EFCAB11: variants seen among roughly 807,000 people sequenced by gnomAD.
EFCAB11 encodes EF-hand calcium-binding domain-containing protein 11.
Under a neutral mutation model 23.0 loss-of-function variants are expected in EFCAB11, and 14 were observed. That is an observed-to-expected ratio of 0.61 (90% CI 0.40 to 0.95). EFCAB11 has a LOEUF of 0.95. EFCAB11 is among the 40% of genes least tolerant of loss of function. The probability of loss-of-function intolerance (pLI) is 0.00; values close to 1 mark genes in which losing one functional copy is unlikely to be tolerated. For synonymous variants in EFCAB11, 65 were observed against 66.6 expected, an observed-to-expected ratio of 0.98 and a Z score of 0.11; for missense variants, 198 against 195.8, an observed-to-expected ratio of 1.01 and a Z score of -0.07.
At chr14:89,880,962 A>G (rs570995838) in intron 5 of EFCAB11, among the ~76,000 whole-genome samples, 1 of 152,228 alleles carries the variant, frequency 6.6e-6, no homozygotes, top group African/African-American at 2.4e-5. Context: ...TGGGGAAAGG[A>G]TAGAAGTCAG....
chr14:89,842,992 C>T (rs923155003), intron 5 of EFCAB11, among the ~76,000 whole-genome samples: 10 of 152,170 alleles, frequency 6.6e-5, no homozygotes, highest in African/African-American at 1.9e-4. Context: ...TATCACCCTG[C>T]GCTTTTCCTA....
chr14:89,827,061 G>A (rs889074604), intron 5 of EFCAB11, among the ~76,000 whole-genome samples: 1 of 152,148 alleles, frequency 6.6e-6, no homozygotes, highest in Non-Finnish European at 1.5e-5. Flanking sequence ...TTTTAAAAGA[G>A]AGAATTTAAT....
At chr14:89,831,734 G>A (rs1425914697) in intron 5 of EFCAB11, among the ~76,000 whole-genome samples, 1 of 152,176 alleles carries the variant, frequency 6.6e-6, no homozygotes, top group Non-Finnish European at 1.5e-5. Context: ...GAAAGAGCAT[G>A]TATTACAAGT....
chr14:89,848,119 C>T (rs1460973799), intron 5 of EFCAB11, among the ~76,000 whole-genome samples: 1 of 152,162 alleles, frequency 6.6e-6, no homozygotes, highest in Admixed American at 6.5e-5. Flanking sequence ...ATCATAATAG[C>T]TCTCTCAAGG....
chr14:89,923,328 GAAGTCCCTCAGAGAGGA>G (rs1566812524), intron 5 of EFCAB11: 1 of 152,164 alleles, frequency 6.6e-6, no homozygotes, highest in Non-Finnish European at 1.5e-5. Flanking sequence ...AAAATCCCTA[GAAGTCCCTCAGAGAGGA>G]AATTCTGAGG....
chr14:89,834,845 C>T (rs751400257), intron 5 of EFCAB11, among the ~76,000 whole-genome samples: 15 of 151,990 alleles, frequency 9.9e-5, no homozygotes, highest in Non-Finnish European at 1.9e-4. Flanking sequence ...GCAGTTAGGA[C>T]CAGAGGAAGT....
intron 5 of EFCAB11, among the ~76,000 whole-genome samples, chr14:89,913,488 T>C (rs988035369): frequency 1.3e-5 from 2 of 152,204 alleles, no homozygotes; most frequent in African/African-American, 2.4e-5. Flanking sequence ...AGATGGCATA[T>C]GTGATTCCTA....
chr14:89,912,479 C>T (rs1889710838), intron 5 of EFCAB11, among the ~76,000 whole-genome samples: 1 of 152,082 alleles, frequency 6.6e-6, no homozygotes, highest in Non-Finnish European at 1.5e-5. Flanking sequence ...TTAAGGTTTC[C>T]TGGGCTTCCT....
intron 5 of EFCAB11, among the ~76,000 whole-genome samples, chr14:89,900,881 C>A (rs2140202451): frequency 6.6e-6 from 1 of 152,210 alleles, no homozygotes; most frequent in Non-Finnish European, 1.5e-5. Context: ...GATTCAATAA[C>A]TGCTCTTGGT....
intron 5 of EFCAB11, among the ~76,000 whole-genome samples, chr14:89,861,398 C>T (rs541596578): frequency 2.0e-5 from 3 of 152,272 alleles, no homozygotes; most frequent in South Asian, 2.1e-4. Flanking sequence ...CCTCCTTTAC[C>T]CTAGAAACAA....
chr14:89,813,302 T>C (rs1886211928), intron 5 of EFCAB11, among the ~76,000 whole-genome samples: 1 of 152,186 alleles, frequency 6.6e-6, no homozygotes, highest in Non-Finnish European at 1.5e-5. Context: ...TCTGATACGA[T>C]ACCTTGATAT....
chr14:89,924,084 T>C (rs79828967), intron 5 of EFCAB11: 26,807 of 985,456 alleles, frequency 0.027, 740 homozygotes, highest in African/African-American at 0.13. Context: ...GGAATATCCA[T>C]CACTCCCTTT....
intron 5 of EFCAB11, chr14:89,829,865 CA>C (rs1886828326): frequency 6.6e-6 from 1 of 151,974 alleles, no homozygotes; most frequent in African/African-American, 2.4e-5. Context: ...CTAAAAAATC[CA>C]TGGATCTAGG....
intron 5 of EFCAB11, among the ~76,000 whole-genome samples, chr14:89,881,497 G>C (rs1161138654): frequency 1.0e-4 from 4 of 40,006 alleles, no homozygotes; most frequent in African/African-American, 2.9e-4. Context: ...ACCCAGGCTG[G>C]AGTGCAGTGG....
intron 5 of EFCAB11, among the ~76,000 whole-genome samples, chr14:89,856,836 C>T (rs1290316493): frequency 6.6e-6 from 1 of 152,114 alleles, no homozygotes; most frequent in African/African-American, 2.4e-5. Flanking sequence ...AGATATTAAC[C>T]TTTATCAGAT....
intron 5 of EFCAB11, chr14:89,924,593 G>A (rs150710683): frequency 3.3e-6 from 5 of 1,534,140 alleles, no homozygotes; most frequent in Non-Finnish European, 4.4e-6. Context: ...ATACCACAGG[G>A]TGTTGATGGC....
intron 5 of EFCAB11, among the ~76,000 whole-genome samples, chr14:89,872,431 G>C (rs577182887): frequency 6.6e-6 from 1 of 152,150 alleles, no homozygotes; most frequent in Admixed American, 6.5e-5. Flanking sequence ...CAGGGGTCTG[G>C]GTAGATACTC....
At chr14:89,871,600 T>A (rs1051332004) in intron 5 of EFCAB11, among the ~76,000 whole-genome samples, 1 of 152,182 alleles carries the variant, frequency 6.6e-6, no homozygotes, top group Non-Finnish European at 1.5e-5. Flanking sequence ...CTTTGCATTA[T>A]CCTATAATTT....
chr14:89,837,211 C>T (rs560920619), intron 5 of EFCAB11: 2 of 439,328 alleles, frequency 4.6e-6, no homozygotes, highest in African/African-American at 4.0e-5. Flanking sequence ...ACTATTTATT[C>T]TCTATTTGCA....
Sources: gnomAD v4.1 joint callset for allele counts (sites outside exome capture counted in the v4.1 genomes callset) on GRCh38, gnomAD v4.1.1 for gene constraint, MANE v1.5 for transcripts, NCBI Gene and HGNC (gene_info 2026-07-23, HGNC 2026-07-21) for gene names.